The following RPS6KA2 variants were observed in gnomAD, a reference collection of about 807,000 sequenced individuals.
The protein encoded by RPS6KA2 is ribosomal protein S6 kinase A2.
Under a neutral mutation model 91.8 loss-of-function variants are expected in RPS6KA2, and 42 were observed. That is an observed-to-expected ratio of 0.46 (90% CI 0.36 to 0.59). The LOEUF (loss-of-function observed/expected upper bound fraction) is 0.59, where lower values mean the gene tolerates loss of function less well. RPS6KA2 is among the 20% of genes least tolerant of loss of function. RPS6KA2 has a pLI of 0.00. For synonymous variants in RPS6KA2, 414 were observed against 393.6 expected (o/e 1.05, Z -0.61); for missense variants, 798 against 978.5 (o/e 0.82, Z 2.46).
chr6:166,534,524 C>A (rs1424979514), intron 2 of RPS6KA2, among the ~76,000 whole-genome samples: 1 of 152,190 alleles, frequency 6.6e-6, no homozygotes, highest in Non-Finnish European at 1.5e-5. Context: ...ACCGTATAAA[C>A]TCAAAGAGCA....
rs1278575715 is a variant in RPS6KA2 at position 166,852,745 on chromosome 6, C to T, written c.123+5455G>A. Among the ~76,000 whole-genome samples, 2 of 152,192 alleles carry T rather than the reference C, an allele frequency of 1.3e-5. No homozygotes were observed. The highest frequency in any genetic ancestry group is 4.2e-4 in the South Asian group (2 of 4,810). On this transcript the variant is annotated intron_variant, in intron 2 of 21. Transcript: ENST00000503859. This position sits in a 1 kb window ranked among gnomAD's most constrained non-coding sequence, Gnocchi z 4.1. ...AGCTCATCCCTGAGCGCCCACAGGC[C>T]CCTGGATGTCCCTGTAAGGAGGCTT...
At chr6:166,628,534 A>G (rs1452055167), upstream of RPS6KA2, among the ~76,000 whole-genome samples, 1 of 152,238 alleles carries the variant, frequency 6.6e-6, no homozygotes, top group Non-Finnish European at 1.5e-5. Flanking sequence ...GAGAGGTCAG[A>G]ATGTCCTTAA....
chr6:166,474,518 C>T (rs1056800786), intron 10 of RPS6KA2, among the ~76,000 whole-genome samples: 4 of 152,146 alleles, frequency 2.6e-5, no homozygotes, highest in African/African-American at 9.7e-5. Flanking sequence ...GCTACAGATG[C>T]TCATTAGGAA....
chr6:166,460,066 G>C (rs924006745), intron 11 of RPS6KA2, among the ~76,000 whole-genome samples: 2 of 152,228 alleles, frequency 1.3e-5, no homozygotes, highest in Non-Finnish European at 2.9e-5. Context: ...GTGCTCTCTT[G>C]CCAGTGTCTC....
intron 2 of RPS6KA2, among the ~76,000 whole-genome samples, chr6:166,715,115 TGGGCAGGTGGAGCACTGG>T (rs1202975690): frequency 6.6e-6 from 1 of 151,742 alleles, no homozygotes; most frequent in Non-Finnish European, 1.5e-5. Flanking sequence ...CAGTGGAGGG[TGGGCAGGTGGAGCACTGG>T]GAGGCCCCAG....
chr6:166,528,976 C>T (rs1159356056), intron 3 of RPS6KA2, among the ~76,000 whole-genome samples: 1 of 152,208 alleles, frequency 6.6e-6, no homozygotes, highest in East Asian at 1.9e-4. Context: ...GTTGGTGGGA[C>T]TGTAAACTAG....
At chr6:166,677,177 T>A (rs1583010051) in intron 2 of RPS6KA2, among the ~76,000 whole-genome samples, 1 of 152,196 alleles carries the variant, frequency 6.6e-6, no homozygotes. Context: ...GGATGGAAGG[T>A]CAGAGGTTGA....
chr6:166,816,391 C>CAAAAAAAAAAAAA (rs61347721), intron 2 of RPS6KA2, among the ~76,000 whole-genome samples: 3 of 120,066 alleles, frequency 2.5e-5, no homozygotes, highest in East Asian at 5.0e-4. Context: ...ACTAAAAATA[C>CAAAAAAAAAAAAA]AAAAAAAAAA....
Position 166,531,290 on chromosome 6 carries a change from C to CT in RPS6KA2, c.239dup (p.Ser82ValfsTer13). On this transcript the variant is annotated frameshift_variant, in exon 3 of 21. Transcript: ENST00000265678. LOFTEE classifies it high-confidence loss of function. ...CGTAGAGCTGCCCAGCGTCGGACCC[C>CT]TTCACCTTCCTCACCAGGAACACCT... is the stretch of plus-strand genomic sequence containing the variant. The CT allele has an allele frequency of 6.2e-7, 1 of 1,614,102 alleles. No individual in the cohort carries two copies. The highest frequency in any genetic ancestry group is 8.5e-7 in the Non-Finnish European group (1 of 1,179,952).
chr6:166,558,632 G>A (rs1005936250), intron 1 of RPS6KA2, among the ~76,000 whole-genome samples: 2 of 152,188 alleles, frequency 1.3e-5, no homozygotes, highest in Admixed American at 6.5e-5. Context: ...ACAGGATGGC[G>A]ACCATAAGTG....
intron 14 of RPS6KA2, among the ~76,000 whole-genome samples, chr6:166,439,413 T>C (rs1046712031): frequency 6.6e-6 from 1 of 152,228 alleles, no homozygotes; most frequent in Admixed American, 6.5e-5. Flanking sequence ...CGGCCATATA[T>C]TTTTCTTTTA....
At chr6:166,447,147 C>T (rs114515904) in intron 14 of RPS6KA2, among the ~76,000 whole-genome samples, 2,220 of 152,228 alleles carry the variant, frequency 0.015, 50 homozygotes, top group African/African-American at 0.051. Flanking sequence ...ATGAAGCCTA[C>T]GCGCCCCAGG....
chr6:166,431,116 CAG>C (rs1284095515), intron 15 of RPS6KA2, among the ~76,000 whole-genome samples: 1 of 152,082 alleles, frequency 6.6e-6, no homozygotes, highest in Non-Finnish European at 1.5e-5. Flanking sequence ...TTAGTAGAGA[CAG>C]GGTTTCACCA....
intron 1 of RPS6KA2, among the ~76,000 whole-genome samples, chr6:166,591,723 G>A (rs535814482): frequency 6.6e-6 from 1 of 152,318 alleles, no homozygotes; most frequent in South Asian, 2.1e-4. Context: ...AGGACTGTGA[G>A]AGCATAAACT....
chr6:166,697,011 G>C (rs750586516), intron 2 of RPS6KA2, among the ~76,000 whole-genome samples: 10 of 151,986 alleles, frequency 6.6e-5, no homozygotes, highest in Non-Finnish European at 1.2e-4. Context: ...TGCCTCCATA[G>C]TTGTACGAAC....
chr6:166,584,365 A>G (rs1785107262), intron 1 of RPS6KA2, among the ~76,000 whole-genome samples: 1 of 152,224 alleles, frequency 6.6e-6, no homozygotes, highest in African/African-American at 2.4e-5. Context: ...CCCTTTCTCC[A>G]CATAGAATCA....
At chr6:166,471,505 C>T (rs561405378) in intron 10 of RPS6KA2, among the ~76,000 whole-genome samples, 1 of 152,380 alleles carries the variant, frequency 6.6e-6, no homozygotes, top group African/African-American at 2.4e-5. Context: ...AAGGCACTCT[C>T]ACAGCACTCT....
chr6:166,637,840 T>TG (rs1287892633), intron 2 of RPS6KA2, among the ~76,000 whole-genome samples: 1 of 152,170 alleles, frequency 6.6e-6, no homozygotes, highest in African/African-American at 2.4e-5. Flanking sequence ...GTCTCAGCCG[T>TG]GGGGGCCGCA....
intron 5 of RPS6KA2, among the ~76,000 whole-genome samples, chr6:166,505,504 A>G (rs115390509): frequency 0.016 from 2,452 of 152,296 alleles, 80 homozygotes; most frequent in African/African-American, 0.056. Flanking sequence ...AGGAGAAATC[A>G]ATGTTATGGA....
Sources: gnomAD v4.1 joint callset for allele counts (sites outside exome capture counted in the v4.1 genomes callset) on GRCh38, gnomAD v4.1.1 for gene constraint, Gnocchi (gnomAD v3.1) non-coding constraint, MANE v1.5 for transcripts, NCBI Gene and HGNC (gene_info 2026-07-23, HGNC 2026-07-21) for gene names.